CACNA2D1: variants seen among roughly 807,000 people sequenced by gnomAD.
CACNA2D1 encodes the protein voltage-dependent calcium channel subunit alpha-2/delta-1.
Under a neutral mutation model 171.5 loss-of-function variants are expected in CACNA2D1, and 53 were observed. The ratio of observed to expected loss-of-function variants is 0.31; its 90% CI spans 0.25 to 0.39. The LOEUF is 0.39. CACNA2D1 is among the 10% of genes least tolerant of loss of function. The pLI is 1.00. For missense variants in CACNA2D1, 903 were observed against 1,299.8 expected, an observed-to-expected ratio of 0.69 and a Z score of 4.69; for synonymous variants, 442 against 443.1, an observed-to-expected ratio of 1.00 and a Z score of 0.03.
intron 3 of CACNA2D1, among the ~76,000 whole-genome samples, chr7:82,326,817 C>G (rs1175218286): frequency 1.8e-5 from 2 of 109,996 alleles, no homozygotes; most frequent in African/African-American, 2.9e-5. Context: ...ATTATCAGAT[C>G]CTATCTAACG....
intron 10 of CACNA2D1, among the ~76,000 whole-genome samples, chr7:82,057,750 T>G (rs532364283): frequency 6.6e-6 from 1 of 152,204 alleles, no homozygotes; most frequent in South Asian, 2.1e-4. Context: ...AACCATGGAT[T>G]CATAGGCCCC....
At chr7:82,153,236 T>C (rs10272958) in intron 4 of CACNA2D1, among the ~76,000 whole-genome samples, 90,715 of 151,546 alleles carry the variant, frequency 0.6, 27,880 homozygotes, top group East Asian at 0.75. Context: ...CCACCAGTTA[T>C]TCTGTTGAGA....
At chr7:82,400,798 C>T (rs1238414561) in intron 1 of CACNA2D1, among the ~76,000 whole-genome samples, 2 of 150,534 alleles carry the variant, frequency 1.3e-5, no homozygotes, top group African/African-American at 4.9e-5. Context: ...ATTTTTGCAA[C>T]CTACTCATCT....
intron 10 of CACNA2D1, among the ~76,000 whole-genome samples, chr7:82,040,467 A>AAAC (rs1216127699): frequency 2.0e-5 from 3 of 147,092 alleles, no homozygotes; most frequent in Non-Finnish European, 4.5e-5. Flanking sequence ...AAAAAAAAAA[A>AAAC]AAAACAGAAG....
chr7:82,194,108 A>T (rs1377217368), intron 3 of CACNA2D1, among the ~76,000 whole-genome samples: 2 of 152,020 alleles, frequency 1.3e-5, no homozygotes, highest in Non-Finnish European at 2.9e-5. Context: ...TTAGAGTAAG[A>T]TTTCAAAGTA....
At chr7:82,149,774 A>C (rs1401140039) in intron 4 of CACNA2D1, among the ~76,000 whole-genome samples, 1 of 141,516 alleles carries the variant, frequency 7.1e-6, no homozygotes, top group African/African-American at 2.5e-5. Context: ...TAAAAATACA[A>C]AAAAAAAACA....
chr7:82,380,668 C>CATTTA (rs1373526893), intron 1 of CACNA2D1, among the ~76,000 whole-genome samples: 1 of 151,906 alleles, frequency 6.6e-6, no homozygotes, highest in Admixed American at 6.6e-5. Context: ...TTTATAACCT[C>CATTTA]CCAACTACTC....
intron 3 of CACNA2D1, among the ~76,000 whole-genome samples, chr7:82,294,435 A>T (rs1812022435): frequency 6.7e-6 from 1 of 149,798 alleles, no homozygotes; most frequent in South Asian, 2.1e-4. Flanking sequence ...TGGTGACATG[A>T]CTCATCATTT....
intron 1 of CACNA2D1, among the ~76,000 whole-genome samples, chr7:82,379,051 A>T (rs1823371891): frequency 1.3e-5 from 2 of 151,482 alleles, no homozygotes; most frequent in African/African-American, 4.9e-5. Flanking sequence ...TTTAAATTTA[A>T]TGTAAAATTA....
intron 4 of CACNA2D1, 49 bp from the exon 5 acceptor site, chr7:82,136,725 T>G: frequency 8.3e-7 from 1 of 1,198,510 alleles, no homozygotes; most frequent in Non-Finnish European, 1.2e-6. Flanking sequence ...AACAATACTG[T>G]ATCAAATACT....
chr7:82,332,202 C>T (rs1042627233), intron 3 of CACNA2D1, among the ~76,000 whole-genome samples: 1 of 152,054 alleles, frequency 6.6e-6, no homozygotes, highest in Non-Finnish European at 1.5e-5. Context: ...GCTGGGATTA[C>T]AGGCACCTGC....
chr7:81,998,781 G>A (rs37118), intron 18 of CACNA2D1, among the ~76,000 whole-genome samples: 1 of 151,776 alleles, frequency 6.6e-6, no homozygotes, highest in Non-Finnish European at 1.5e-5. Context: ...ATCTTACTGC[G>A]TGAAAAGGAA....
chr7:82,057,051 T>C (rs1338730014), intron 10 of CACNA2D1, among the ~76,000 whole-genome samples: 4 of 152,156 alleles, frequency 2.6e-5, no homozygotes, highest in Non-Finnish European at 5.9e-5. Flanking sequence ...AAAATCTGAT[T>C]TGGGGATGTT....
intron 3 of CACNA2D1, among the ~76,000 whole-genome samples, chr7:82,310,510 G>T (rs1814315397): frequency 6.6e-6 from 1 of 151,934 alleles, no homozygotes; most frequent in Non-Finnish European, 1.5e-5. Context: ...TATTAATATG[G>T]TTGTTAAATT....
chr7:82,075,642 A>T (rs1808872660), intron 7 of CACNA2D1, among the ~76,000 whole-genome samples: 1 of 152,218 alleles, frequency 6.6e-6, no homozygotes, highest in Non-Finnish European at 1.5e-5. Flanking sequence ...TTCTACAGGA[A>T]CAAGTTTCCT....
rs1364026099 is a variant in CACNA2D1 at position 81,997,161 on chromosome 7, C to T, written c.1662+18G>A. On this transcript the variant is annotated intron_variant, in intron 19 of 38. Coordinates refer to ENST00000356860, the MANE Select transcript of CACNA2D1 (RefSeq NM_000722.4). ...CATCTGACCTGAGGAATTGTTTAGT[C>T]TTACTGATTCCACTCACCTCCACTT... is the stretch of plus-strand genomic sequence containing the variant. The T allele has an allele frequency of 6.8e-7, 1 of 1,465,094 alleles. No homozygotes were observed. 90.8% of individuals were successfully genotyped at this position (1,465,094 alleles called of 1,614,324 possible).
chr7:82,216,022 AT>A (rs1801061416), intron 3 of CACNA2D1, among the ~76,000 whole-genome samples: 18 of 152,164 alleles, frequency 1.2e-4, no homozygotes, highest in African/African-American at 4.1e-4. Context: ...GTCAAAAATC[AT>A]TTTGCCTCTA....
chr7:82,265,542 T>C (rs1259853430), intron 3 of CACNA2D1, among the ~76,000 whole-genome samples: 1 of 151,908 alleles, frequency 6.6e-6, no homozygotes, highest in Non-Finnish European at 1.5e-5. Context: ...TTTTGGTTTA[T>C]TTGGAGGACT....
intron 1 of CACNA2D1, among the ~76,000 whole-genome samples, chr7:82,440,348 A>T (rs529287550): frequency 6.6e-6 from 1 of 152,066 alleles, no homozygotes; most frequent in Non-Finnish European, 1.5e-5. Flanking sequence ...TGGCTATCAC[A>T]CATGTAATTC....
Sources: gnomAD v4.1 joint callset for allele counts (sites outside exome capture counted in the v4.1 genomes callset) on GRCh38, gnomAD v4.1.1 for gene constraint, MANE v1.5 for transcripts, NCBI Gene and HGNC (gene_info 2026-07-23, HGNC 2026-07-21) for gene names.